Variants in BANK1 observed in about 807,000 individuals in gnomAD.
BANK1 encodes B-cell scaffold protein with ankyrin repeats.
BANK1 carries 95 observed loss-of-function variants against 94.5 expected under a neutral mutation model. The ratio of observed to expected loss-of-function variants is 1.00; its 90% CI spans 0.85 to 1.19. BANK1 has a LOEUF of 1.19. BANK1 is among the 50% of genes most tolerant of loss of function. The probability of loss-of-function intolerance (pLI) is 0.00; values close to 1 mark genes in which losing one functional copy is unlikely to be tolerated. For synonymous variants in BANK1, 334 were observed against 308.4 expected, an observed-to-expected ratio of 1.08 and a Z score of -0.87; for missense variants, 987 against 932.2, an observed-to-expected ratio of 1.06 and a Z score of -0.77.
intron 1 of BANK1, among the ~76,000 whole-genome samples, chr4:101,802,702 A>G (rs1203884029): frequency 1.3e-5 from 2 of 152,114 alleles, no homozygotes; most frequent in Non-Finnish European, 2.9e-5. Flanking sequence ...TCATTATAAG[A>G]CCTCTCTATA....
chr4:102,037,606 A>G (rs1417437620), intron 10 of BANK1, among the ~76,000 whole-genome samples: 1 of 152,214 alleles, frequency 6.6e-6, no homozygotes. Flanking sequence ...AGCATTGTGT[A>G]GTGAAATTCA....
chr4:101,821,386 T>C (rs1726140706), intron 1 of BANK1, among the ~76,000 whole-genome samples: 1 of 152,244 alleles, frequency 6.6e-6, no homozygotes, highest in Non-Finnish European at 1.5e-5. Context: ...GCAAAATTTT[T>C]CTCCCATTCT....
intron 2 of BANK1, among the ~76,000 whole-genome samples, chr4:101,841,939 C>T (rs1353036085): frequency 2.0e-5 from 3 of 151,538 alleles, no homozygotes; most frequent in Non-Finnish European, 4.4e-5. Context: ...TAGGGAGGAG[C>T]AAAAATTTTA....
At chr4:101,906,836 C>A (rs1388427480) in intron 6 of BANK1, among the ~76,000 whole-genome samples, 1 of 152,012 alleles carries the variant, frequency 6.6e-6, no homozygotes, top group African/African-American at 2.4e-5. Context: ...GGATTCGAGC[C>A]CCCACAATGG....
chr4:102,020,506 C>A (rs6853274), intron 7 of BANK1, among the ~76,000 whole-genome samples: 11,581 of 152,002 alleles, frequency 0.076, 780 homozygotes, highest in African/African-American at 0.18. Context: ...TGTTTTGCTT[C>A]TCTGGATGAC....
intron 7 of BANK1, among the ~76,000 whole-genome samples, chr4:101,931,856 A>G (rs758022320): frequency 7.3e-5 from 11 of 151,486 alleles, no homozygotes; most frequent in Non-Finnish European, 1.3e-4. Context: ...AGTGAGAGAT[A>G]TGCAGAGCCC....
chr4:101,900,468 A>G (rs1459704026), intron 6 of BANK1, among the ~76,000 whole-genome samples: 1 of 152,204 alleles, frequency 6.6e-6, no homozygotes, highest in Admixed American at 6.5e-5. Flanking sequence ...AAATGAAAGT[A>G]GGAACACCAG....
intron 7 of BANK1, among the ~76,000 whole-genome samples, chr4:101,979,657 C>T (rs1725260598): frequency 6.6e-6 from 1 of 151,760 alleles, no homozygotes; most frequent in African/African-American, 2.4e-5. Flanking sequence ...TTCTCACATT[C>T]TTAAGGACTG....
At chr4:101,794,955 T>C (rs1357462292) in intron 1 of BANK1, among the ~76,000 whole-genome samples, 1 of 152,148 alleles carries the variant, frequency 6.6e-6, no homozygotes, top group Non-Finnish European at 1.5e-5. Flanking sequence ...TTTTCCCATA[T>C]TATTAATTCC....
chr4:102,026,085 G>A (rs2148948718), intron 9 of BANK1, among the ~76,000 whole-genome samples: 1 of 152,284 alleles, frequency 6.6e-6, no homozygotes, highest in Middle Eastern at 3.4e-3. Flanking sequence ...CACTACCCAA[G>A]TGGAAGAAGA....
intron 7 of BANK1, among the ~76,000 whole-genome samples, chr4:101,918,534 AAAG>A (rs1345751961): frequency 1.3e-5 from 2 of 151,984 alleles, no homozygotes. Context: ...GAATGTAACC[AAAG>A]AAGATTTTAA....
intron 2 of BANK1, among the ~76,000 whole-genome samples, chr4:101,846,787 C>A (rs1181072731): frequency 6.6e-6 from 1 of 152,124 alleles, no homozygotes; most frequent in African/African-American, 2.4e-5. Flanking sequence ...CCCTTAACAC[C>A]TGGGGATTAC....
chr4:102,007,091 T>TA (rs111879726), intron 7 of BANK1, among the ~76,000 whole-genome samples: 7 of 75,216 alleles, frequency 9.3e-5, no homozygotes, highest in African/African-American at 1.7e-4. Context: ...AATATATATA[T>TA]AATATATTTA....
chr4:101,820,894 A>T (rs112250236), intron 1 of BANK1, among the ~76,000 whole-genome samples: 2,144 of 152,152 alleles, frequency 0.014, 38 homozygotes, highest in East Asian at 0.064. Flanking sequence ...TTAGGTTGAT[A>T]CCATGTCTTT....
At chr4:101,931,602 C>A (rs1054359657) in intron 7 of BANK1, among the ~76,000 whole-genome samples, 1 of 151,542 alleles carries the variant, frequency 6.6e-6, no homozygotes, top group Non-Finnish European at 1.5e-5. Flanking sequence ...TATCATTAAT[C>A]TCTTTCTATA....
At chr4:101,976,374 A>G (rs1047186242) in intron 7 of BANK1, among the ~76,000 whole-genome samples, 6 of 152,156 alleles carry the variant, frequency 3.9e-5, no homozygotes, top group South Asian at 2.1e-4. Context: ...CAGGATTCTG[A>G]TTAATGCTGG....
intron 7 of BANK1, among the ~76,000 whole-genome samples, chr4:101,927,278 C>T (rs1723192439): frequency 6.6e-6 from 1 of 151,600 alleles, no homozygotes; most frequent in Admixed American, 6.6e-5. Flanking sequence ...AACTCATTAG[C>T]TTTCACAAGA....
chr4:101,897,427 G>T (rs911323932), intron 6 of BANK1, among the ~76,000 whole-genome samples: 7 of 151,944 alleles, frequency 4.6e-5, no homozygotes, highest in Non-Finnish European at 7.4e-5. Context: ...TGTGGAATAT[G>T]AATTTTAGAG....
At chr4:101,822,704 C>T (rs1280470492) in intron 1 of BANK1, among the ~76,000 whole-genome samples, 5 of 151,758 alleles carry the variant, frequency 3.3e-5, no homozygotes, top group Admixed American at 2.6e-4. Context: ...CAAGCTCCAC[C>T]TCCCAAGTTC....
Sources: allele counts gnomAD v4.1 joint callset (sites outside exome capture counted in the v4.1 genomes callset), GRCh38; gene constraint gnomAD v4.1.1; transcripts MANE v1.5; gene names NCBI Gene and HGNC (gene_info 2026-07-23, HGNC 2026-07-21).